Variants in TAMM41 observed in about 807,000 individuals in gnomAD.
TAMM41 encodes the protein phosphatidate cytidylyltransferase, mitochondrial.
In TAMM41, 36 loss-of-function variants were observed where a neutral mutation model predicts 44.1. That is an observed-to-expected ratio of 0.82 (90% CI 0.63 to 1.08). The LOEUF (loss-of-function observed/expected upper bound fraction) is 1.08. Ranked by LOEUF, TAMM41 falls within the 50% of genes least tolerant of loss-of-function variation. TAMM41 has a pLI of 0.00. For missense variants in TAMM41, 417 were observed against 404.3 expected (o/e 1.03, Z -0.27); for synonymous variants, 164 against 153.1 (o/e 1.07, Z -0.53).
chr3:11,801,347 CCT>C (rs112779939), intron 7 of TAMM41, among the ~76,000 whole-genome samples: 20,690 of 151,806 alleles, frequency 0.14, 3,100 homozygotes, highest in East Asian at 0.48. Flanking sequence ...CCCTGAGACC[CCT>C]GAGACAGGGT....
the TAMM41 span, among the ~76,000 whole-genome samples, chr3:11,740,375 T>C: frequency 6.6e-6 from 1 of 152,106 alleles, no homozygotes. Context: ...AGGGGTCCCA[T>C]GTATCCTCTG....
chr3:11,743,612 C>T, the TAMM41 span, among the ~76,000 whole-genome samples: 1 of 152,122 alleles, frequency 6.6e-6, no homozygotes, highest in South Asian at 2.1e-4. Flanking sequence ...GGATTACAGG[C>T]GTGAGCCACC....
the TAMM41 span, among the ~76,000 whole-genome samples, chr3:11,734,723 C>G: frequency 5.6e-4 from 85 of 151,518 alleles, no homozygotes; most frequent in African/African-American, 2.1e-3. Context: ...TAGGAAAAGA[C>G]AGATAATAAA....
At chr3:11,826,505 G>A (rs1161417143) in intron 4 of TAMM41, among the ~76,000 whole-genome samples, 1 of 143,362 alleles carries the variant, frequency 7.0e-6, no homozygotes, top group African/African-American at 2.7e-5. Flanking sequence ...CTCTAGCTTG[G>A]GCGACAGAGT....
At chr3:11,804,042 T>C (rs892131059) in intron 7 of TAMM41, among the ~76,000 whole-genome samples, 3 of 151,920 alleles carry the variant, frequency 2.0e-5, no homozygotes, top group African/African-American at 7.3e-5. Context: ...GTAAGAAAAA[T>C]GCACTTGTAT....
chr3:11,768,429 C>G, the TAMM41 span, among the ~76,000 whole-genome samples: 2 of 152,222 alleles, frequency 1.3e-5, no homozygotes, highest in Admixed American at 1.3e-4. Flanking sequence ...TGAGCCACTG[C>G]ACCCAGCCAA....
the TAMM41 span, among the ~76,000 whole-genome samples, chr3:11,735,917 C>A: frequency 1.3e-5 from 2 of 151,816 alleles, no homozygotes; most frequent in African/African-American, 4.8e-5. Flanking sequence ...AGCGTGGCTG[C>A]AGTGGGGTTG....
the TAMM41 span, among the ~76,000 whole-genome samples, chr3:11,728,193 CAG>C: frequency 6.6e-6 from 1 of 152,190 alleles, no homozygotes; most frequent in African/African-American, 2.4e-5. Flanking sequence ...GTTGAGGAAA[CAG>C]AGCTTTGAAG....
chr3:11,807,147 AC>A, intron 7 of TAMM41: 1 of 1,234,430 alleles, frequency 8.1e-7, no homozygotes. Context: ...TAAATGGGGG[AC>A]CCCCTAGAGG....
chr3:11,844,292 C>G (rs2079576504), intron 1 of TAMM41, 81 bp from the exon 2 acceptor site: 9 of 1,365,358 alleles, frequency 6.6e-6, no homozygotes, highest in East Asian at 4.7e-5. Context: ...CTCTAACATA[C>G]TACGCAATTA....
chr3:11,843,364 G>T (rs1171910620), intron 2 of TAMM41, among the ~76,000 whole-genome samples: 1 of 151,888 alleles, frequency 6.6e-6, no homozygotes, highest in Admixed American at 6.5e-5. Context: ...CCAGCAATCT[G>T]TGTGTCCAAT....
chr3:11,807,175 C>A, intron 7 of TAMM41: 1 of 1,371,766 alleles, frequency 7.3e-7, no homozygotes, highest in Non-Finnish European at 9.4e-7. Flanking sequence ...CGAAGACACT[C>A]TCCATGAGAG....
the TAMM41 span, among the ~76,000 whole-genome samples, chr3:11,738,227 G>C: frequency 6.6e-6 from 1 of 152,162 alleles, no homozygotes; most frequent in Non-Finnish European, 1.5e-5. Flanking sequence ...GAAATCATGA[G>C]AAAGTAATTA....
chr3:11,803,338 C>A (rs1052690128), intron 7 of TAMM41, among the ~76,000 whole-genome samples: 1 of 151,936 alleles, frequency 6.6e-6, no homozygotes, highest in Non-Finnish European at 1.5e-5. Flanking sequence ...GAGGTGAGAT[C>A]GCGCCACTAT....
At chr3:11,832,667 C>T (rs764227673) in intron 3 of TAMM41, among the ~76,000 whole-genome samples, 7 of 152,204 alleles carry the variant, frequency 4.6e-5, no homozygotes, top group Non-Finnish European at 7.4e-5. Context: ...CGAACTGGAC[C>T]GGGATCCAGT....
At chr3:11,842,265 G>A (rs1411921472) in intron 2 of TAMM41, among the ~76,000 whole-genome samples, 1 of 151,868 alleles carries the variant, frequency 6.6e-6, no homozygotes, top group Non-Finnish European at 1.5e-5. Context: ...TACAGTAGTG[G>A]GCTCTGTAAT....
intron 1 of TAMM41, chr3:11,844,963 T>G (rs909792881): frequency 5.0e-5 from 23 of 456,648 alleles, no homozygotes; most frequent in African/African-American, 4.6e-4. Flanking sequence ...ATCTGAGTCT[T>G]GAAGGACACG....
chr3:11,786,466 G>T (rs2077418772), downstream of TAMM41, among the ~76,000 whole-genome samples: 1 of 151,338 alleles, frequency 6.6e-6, no homozygotes, highest in Non-Finnish European at 1.5e-5. Flanking sequence ...CACCACACCT[G>T]GCTAATTTTT....
the TAMM41 span, among the ~76,000 whole-genome samples, chr3:11,734,203 C>T: frequency 3.9e-5 from 6 of 152,104 alleles, no homozygotes; most frequent in South Asian, 8.3e-4. Flanking sequence ...GGGAGGAATG[C>T]GAGGCACCCG....
Sources: gnomAD v4.1 joint callset for allele counts (sites outside exome capture counted in the v4.1 genomes callset) on GRCh38, gnomAD v4.1.1 for gene constraint, MANE v1.5 for transcripts, NCBI Gene and HGNC (gene_info 2026-07-23, HGNC 2026-07-21) for gene names.